SLC39A11: variants seen among roughly 807,000 people sequenced by gnomAD.
The protein encoded by SLC39A11 is solute carrier family 39 member 11.
In SLC39A11, 33 loss-of-function variants were observed where a neutral mutation model predicts 36.1. That is an observed-to-expected ratio of 0.91 (90% CI 0.69 to 1.22). The LOEUF is 1.22. SLC39A11 is among the 50% of genes most tolerant of loss of function. The pLI is 0.00. For synonymous variants in SLC39A11, 166 were observed against 170.3 expected (o/e 0.97, Z 0.20); for missense variants, 432 against 430.3 (o/e 1.00, Z -0.03).
rs1234572830 is a variant in SLC39A11 at position 73,004,203 on chromosome 17, G to GA, written c.306+27352dup. 1.3e-4 allele frequency among the ~76,000 whole-genome samples: 16 copies of GA among 123,542 alleles called. 1 individual carries two copies. The highest frequency in any genetic ancestry group is 4.2e-4 in the African/African-American group (14 of 33,604). 81.0% of individuals were successfully genotyped at this position (123,542 alleles called of 152,430 possible). ...AGAAAGAAAGAAAGAAAGAAAGAAA[G>GA]AAAGAAAGAAAGAAAGAAAGAAAGA... On this transcript the variant is annotated intron_variant, in intron 4 of 9. Coordinates refer to ENST00000255559, the MANE Select transcript of SLC39A11 (RefSeq NM_139177.4).
At chr17:72,962,840 C>A (rs2147944223) in intron 4 of SLC39A11, among the ~76,000 whole-genome samples, 1 of 152,076 alleles carries the variant, frequency 6.6e-6, no homozygotes, top group African/African-American at 2.4e-5. Flanking sequence ...CCCGGCCAGC[C>A]CTTAGGTTCC....
intron 3 of SLC39A11, among the ~76,000 whole-genome samples, chr17:73,046,193 T>G (rs574476574): frequency 6.6e-6 from 1 of 152,208 alleles, no homozygotes; most frequent in Non-Finnish European, 1.5e-5. Context: ...CCTCTTTTCT[T>G]GGCTCAAACG....
Position 72,972,101 on chromosome 17 carries a change from C to T in SLC39A11, c.307-24226G>A, listed in dbSNP as rs78108952. Among the ~76,000 whole-genome samples, 343 of 152,272 alleles carry T rather than the reference C, an allele frequency of 2.3e-3. 2 individuals carry two copies. Among genetic ancestry groups the T allele is most frequent in the African/African-American group, 7.2e-3 (297 of 41,536 alleles). ...AGGAACAGAGAAGGAGAAAGAAAAACGGTCTCAACGTTGCTGTAACAAAAT... is the reference window on the plus strand; with the variant it reads ...AGGAACAGAGAAGGAGAAAGAAAAATGGTCTCAACGTTGCTGTAACAAAAT... On this transcript the variant is annotated intron_variant, in intron 4 of 9. Coordinates refer to ENST00000255559, the MANE Select transcript of SLC39A11 (RefSeq NM_139177.4).
chr17:73,026,448 G>A (rs1436902172), intron 4 of SLC39A11, among the ~76,000 whole-genome samples: 1 of 151,160 alleles, frequency 6.6e-6, no homozygotes, highest in African/African-American at 2.4e-5. Context: ...CCGGGAGGGA[G>A]GCAGAGGTTG....
At chr17:72,949,037 G>A (rs1193864060) in intron 4 of SLC39A11, among the ~76,000 whole-genome samples, 1 of 151,030 alleles carries the variant, frequency 6.6e-6, no homozygotes, top group Admixed American at 6.6e-5. Flanking sequence ...GCTAAGGGAA[G>A]GGAGGCAGAA....
chr17:72,976,786 G>A (rs765779894), intron 4 of SLC39A11, among the ~76,000 whole-genome samples: 2 of 149,602 alleles, frequency 1.3e-5, no homozygotes, highest in African/African-American at 2.4e-5. Flanking sequence ...GGAGGCAGAG[G>A]TTGGAGTGAG....
At chr17:72,757,462 A>G (rs1192449483) in intron 6 of SLC39A11, among the ~76,000 whole-genome samples, 1 of 152,140 alleles carries the variant, frequency 6.6e-6, no homozygotes, top group African/African-American at 2.4e-5. Context: ...CTCCTAGAGC[A>G]TCACTGCTGA....
chr17:72,859,667 G>A (rs532811126), intron 5 of SLC39A11, among the ~76,000 whole-genome samples: 20 of 151,502 alleles, frequency 1.3e-4, no homozygotes, highest in Non-Finnish European at 1.8e-4. Context: ...TGTGCTACAT[G>A]GGCCACGTGT....
chr17:73,076,202 G>A (rs1043007086), intron 3 of SLC39A11, among the ~76,000 whole-genome samples: 1 of 149,380 alleles, frequency 6.7e-6, no homozygotes, highest in Non-Finnish European at 1.5e-5. Context: ...GCTGATGAGA[G>A]AAAGACAATG....
chr17:72,760,397 G>A (rs55977023), intron 6 of SLC39A11, among the ~76,000 whole-genome samples: 2,131 of 152,358 alleles, frequency 0.014, 43 homozygotes, highest in African/African-American at 0.048. Flanking sequence ...TTCCTGTAGA[G>A]AGCCAGTATG....
intron 5 of SLC39A11, among the ~76,000 whole-genome samples, chr17:72,936,692 C>A (rs1406176445): frequency 1.3e-5 from 2 of 152,114 alleles, no homozygotes; most frequent in African/African-American, 4.8e-5. Flanking sequence ...AGTTCCCAAC[C>A]TTTTTGGCAC....
At chr17:73,076,732 T>C (rs1460100983) in intron 3 of SLC39A11, among the ~76,000 whole-genome samples, 2 of 151,920 alleles carry the variant, frequency 1.3e-5, no homozygotes, top group Admixed American at 1.3e-4. Context: ...TCTCCAAGGA[T>C]ACAGACTCAG....
At chr17:72,998,803 C>T (rs907231242) in intron 4 of SLC39A11, among the ~76,000 whole-genome samples, 5 of 152,192 alleles carry the variant, frequency 3.3e-5, no homozygotes, top group African/African-American at 9.7e-5. Context: ...GCTGAAATGA[C>T]TCAGTAAAGT....
chr17:72,853,213 A>T lies in SLC39A11; in HGVS notation c.431-3409T>A, dbSNP rs536850103. Reference sequence around the variant, plus strand: ...TATTTTTTTTTTTTTTTTTCAGTAGAGACAGGGTTTTGCTGCATTGACCAG... The same window carrying T: ...TATTTTTTTTTTTTTTTTTCAGTAGTGACAGGGTTTTGCTGCATTGACCAG... On this transcript the variant is annotated intron_variant, in intron 5 of 9. Transcript: ENST00000255559. Among the ~76,000 whole-genome samples, 627 of 147,222 alleles carry T rather than the reference A, an allele frequency of 4.3e-3. 22 individuals are homozygous for T. The highest frequency in any genetic ancestry group is 0.04 in the Admixed American group (582 of 14,724).
At chr17:72,925,597 T>C (rs1240339519) in intron 5 of SLC39A11, among the ~76,000 whole-genome samples, 1 of 152,206 alleles carries the variant, frequency 6.6e-6, no homozygotes, top group African/African-American at 2.4e-5. Context: ...TCCCTCCCCT[T>C]AGTAGATGTT....
chr17:72,857,454 G>A (rs2079705603), intron 5 of SLC39A11, among the ~76,000 whole-genome samples: 1 of 152,168 alleles, frequency 6.6e-6, no homozygotes, highest in African/African-American at 2.4e-5. Flanking sequence ...TGATGTGCAT[G>A]TGTCTTTATG....
At position 72,787,253 on chromosome 17, in the gene SLC39A11, C is replaced by CTTTTTT. The variant is rs56100121; in HGVS notation, c.602-50540_602-50535dup. Among the ~76,000 whole-genome samples the CTTTTTT allele has an allele frequency of 1.7e-3, 133 of 80,510 alleles. 8 individuals carry two copies. The highest frequency in any genetic ancestry group is 2.3e-3 in the African/African-American group (45 of 19,576). The allele number at this position is 80,510 out of a possible 152,430, so 52.8% of individuals were successfully genotyped here. A position where few individuals can be genotyped will look rare whatever the true frequency, so the allele number is the denominator to read the frequency against. On this transcript the variant is annotated intron_variant, in intron 6 of 9. Transcript: ENST00000255559. Reference sequence around the variant, plus strand: ...TCACTTTGACTGCTATAACCCATGGCTTTTTTTTTTTTTTTTTTTTTTGAG... The same window carrying CTTTTTT: ...TCACTTTGACTGCTATAACCCATGGCTTTTTTTTTTTTTTTTTTTTTTTTTTTTGAG...
chr17:72,746,615 G>A (rs1293444472), intron 6 of SLC39A11, among the ~76,000 whole-genome samples: 3 of 152,162 alleles, frequency 2.0e-5, no homozygotes, highest in African/African-American at 7.2e-5. Context: ...GTGGGCACCT[G>A]TAGTCCCAGC....
intron 5 of SLC39A11, among the ~76,000 whole-genome samples, chr17:72,874,392 T>A (rs982426183): frequency 5.3e-5 from 8 of 152,102 alleles, no homozygotes; most frequent in Non-Finnish European, 2.9e-5. Flanking sequence ...TTCCCTCTCA[T>A]GATTTTGTGG....
Sources: allele counts gnomAD v4.1 joint callset (sites outside exome capture counted in the v4.1 genomes callset), GRCh38; gene constraint gnomAD v4.1.1; transcripts MANE v1.5; gene names NCBI Gene and HGNC (gene_info 2026-07-23, HGNC 2026-07-21).